Variants in BTBD1 observed in about 807,000 individuals in gnomAD.
BTBD1 encodes BTB/POZ domain-containing protein 1.
Under a neutral mutation model 48.0 loss-of-function variants are expected in BTBD1, and 34 were observed. The observed-to-expected ratio is 0.71, with a 90% CI of 0.54 to 0.94. The LOEUF (loss-of-function observed/expected upper bound fraction) is 0.94, where lower values mean the gene tolerates loss of function less well. BTBD1 is among the 40% of genes least tolerant of loss of function. The pLI is 0.00. For synonymous variants in BTBD1, 261 were observed against 242.1 expected, an observed-to-expected ratio of 1.08 and a Z score of -0.72; for missense variants, 543 against 625.6, an observed-to-expected ratio of 0.87 and a Z score of 1.41.
chr15:83,058,517 G>C (rs1320136313), intron 1 of BTBD1, among the ~76,000 whole-genome samples: 1 of 152,164 alleles, frequency 6.6e-6, no homozygotes, highest in Non-Finnish European at 1.5e-5. Flanking sequence ...GTTGAGGCAG[G>C]AGACTCACTT....
intron 2 of BTBD1, among the ~76,000 whole-genome samples, chr15:83,053,357 AAAAATGTAATACTGG>A (rs71864676): frequency 0.08 from 12,156 of 152,108 alleles, 530 homozygotes; most frequent in African/African-American, 0.11. Flanking sequence ...CCCACCAGTG[AAAAATGTAATACTGG>A]AATCTCAGAC....
chr15:83,026,207 A>G (rs984855336), intron 5 of BTBD1, among the ~76,000 whole-genome samples: 14 of 152,314 alleles, frequency 9.2e-5, no homozygotes, highest in African/African-American at 3.1e-4. Context: ...TATACTTTTT[A>G]TAAGTGGCCA....
At chr15:83,024,489 T>C (rs935075449) in intron 5 of BTBD1, among the ~76,000 whole-genome samples, 1 of 152,258 alleles carries the variant, frequency 6.6e-6, no homozygotes, top group African/African-American at 2.4e-5. Context: ...TACCTCATCC[T>C]CATAGTACAT....
chr15:83,067,088 G>A lies in BTBD1; in HGVS notation c.64C>T (p.Pro22Ser). 6.6e-7 allele frequency: 1 copy of A among 1,524,744 alleles called. No individual in the cohort carries two copies. Among genetic ancestry groups the A allele is most frequent in the Non-Finnish European group, 8.8e-7 (1 of 1,142,686 alleles). The allele number at this position is 1,524,744 out of a possible 1,614,324, so 94.5% of individuals were successfully genotyped here. The change falls in exon 1 of 8, where the codon CCC (proline) becomes TCC (serine). Residue 22 changes from proline (P) to serine (S), a missense_variant. Physicochemically the swap from Pro to Ser is moderately conservative, Grantham distance 74. Around this residue, in one of 3 missense-constraint regions of BTBD1, gnomAD observed 173 missense variants for 163.9 expected, o/e 1.06. Coordinates refer to ENST00000261721, the MANE Select transcript of BTBD1 (RefSeq NM_025238.4). ...QASGAEAEPG[P>S]AGPPPPPSPS... ...GAGGGCGGCGGCGGCGGCCCCGCGG[G>A]GCCCGGCTCCGCCTCAGCCCCCGAC...
chr15:83,060,711 T>C (rs2033162750), intron 1 of BTBD1, among the ~76,000 whole-genome samples: 1 of 152,162 alleles, frequency 6.6e-6, no homozygotes, highest in African/African-American at 2.4e-5. Context: ...GGAGAATTGC[T>C]TGAACCCAGC....
intron 4 of BTBD1, among the ~76,000 whole-genome samples, chr15:83,034,059 G>GC (rs2151304009): frequency 6.9e-6 from 1 of 144,178 alleles, no homozygotes; most frequent in South Asian, 2.1e-4. Context: ...CTGCATTCCA[G>GC]CCTGGGTGAC....
At chr15:83,032,321 CAA>C (rs556487520) in intron 4 of BTBD1, among the ~76,000 whole-genome samples, 2 of 130,706 alleles carry the variant, frequency 1.5e-5, no homozygotes, top group Non-Finnish European at 1.7e-5. Context: ...ACTCTGTCTC[CAA>C]AAAAAAAAAA....
chr15:83,028,868 TATTTA>T (rs1169235412), intron 5 of BTBD1: 2 of 152,186 alleles, frequency 1.3e-5, no homozygotes. Flanking sequence ...GCCAGAGGTT[TATTTA>T]TTTTATTGGT....
intron 1 of BTBD1, among the ~76,000 whole-genome samples, chr15:83,064,986 C>A (rs2033236238): frequency 6.6e-6 from 1 of 152,094 alleles, no homozygotes. Context: ...GGTATGTTTC[C>A]TTTTATCCCG....
intron 2 of BTBD1, among the ~76,000 whole-genome samples, chr15:83,051,777 T>C (rs2032987210): frequency 6.6e-6 from 1 of 151,876 alleles, no homozygotes; most frequent in Non-Finnish European, 1.5e-5. Flanking sequence ...ATAGAAAAGT[T>C]GAAAAGATAG....
At chr15:83,066,367 T>G (rs183893783) in intron 1 of BTBD1, among the ~76,000 whole-genome samples, 1 of 152,094 alleles carries the variant, frequency 6.6e-6, no homozygotes, top group East Asian at 1.9e-4. Context: ...TTTCAACTAC[T>G]CTCTTCCCCC....
chr15:83,051,869 CA>C (rs1164625488), intron 2 of BTBD1, among the ~76,000 whole-genome samples: 1 of 129,012 alleles, frequency 7.8e-6, no homozygotes, highest in African/African-American at 2.9e-5. Context: ...ATTTTTTTTC[CA>C]TATATATACA....
Position 83,016,926 on chromosome 15 carries a change from A to T in BTBD1, c.*1141T>A, listed in dbSNP as rs2032178777. On this transcript the variant is annotated 3_prime_UTR_variant, in exon 8 of 8. Transcript: ENST00000261721. Reference sequence around the variant, plus strand: ...TCCACAACGATTTGATATACCTTAAACTCCACTTTCATTTTTTATAAGAGA... The same window carrying T: ...TCCACAACGATTTGATATACCTTAATCTCCACTTTCATTTTTTATAAGAGA... 6.6e-6 allele frequency: 1 copy of T among 152,220 alleles called. No homozygotes were observed. The allele number at this position is 152,220 out of a possible 1,614,324, so 9.4% of individuals were successfully genotyped here. A position where few individuals can be genotyped will look rare whatever the true frequency, so the allele number is the denominator to read the frequency against.
At chr15:83,035,111 T>C (rs572125132) in intron 4 of BTBD1, among the ~76,000 whole-genome samples, 3 of 152,174 alleles carry the variant, frequency 2.0e-5, no homozygotes, top group Admixed American at 2.0e-4. Flanking sequence ...CTGGCCAACA[T>C]GGTGAAACCC....
At chr15:83,026,689 A>G (rs1474093794) in intron 5 of BTBD1, among the ~76,000 whole-genome samples, 1 of 151,706 alleles carries the variant, frequency 6.6e-6, no homozygotes, top group Non-Finnish European at 1.5e-5. Flanking sequence ...CACCTGGCTA[A>G]TTTTGTATTT....
At chr15:83,018,941 CGTGT>C in intron 6 of BTBD1, 88 bp from the exon 7 acceptor site, 1 of 712,518 alleles carries the variant, frequency 1.4e-6, no homozygotes, top group South Asian at 2.5e-5. Flanking sequence ...GCAATGTGTG[CGTGT>C]GTGTTTTGAG....
At chr15:83,050,237 C>A in intron 2 of BTBD1, 59 bp from the exon 3 acceptor site, 1 of 1,041,504 alleles carries the variant, frequency 9.6e-7, no homozygotes, top group Non-Finnish European at 1.4e-6. Flanking sequence ...TCAGACTGTA[C>A]ATATTTGAAA....
intron 3 of BTBD1, among the ~76,000 whole-genome samples, chr15:83,048,712 T>A (rs2032925539): frequency 1.3e-5 from 2 of 152,198 alleles, no homozygotes; most frequent in Non-Finnish European, 2.9e-5. Flanking sequence ...ATGAGCTAAC[T>A]GATAGAAACA....
intron 2 of BTBD1, among the ~76,000 whole-genome samples, chr15:83,054,754 G>A (rs1378675403): frequency 6.6e-6 from 1 of 151,972 alleles, no homozygotes; most frequent in East Asian, 1.9e-4. Flanking sequence ...TAGAGACGGG[G>A]TTTCACCATG....
Sources: gnomAD v4.1 joint callset for allele counts (sites outside exome capture counted in the v4.1 genomes callset) on GRCh38, gnomAD v4.1.1 for gene constraint, gnomAD v4.1.1 regional missense constraint, MANE v1.5 for transcripts, NCBI Gene and HGNC (gene_info 2026-07-23, HGNC 2026-07-21) for gene names.